Variants in PPIF observed in about 807,000 individuals in gnomAD.
PPIF encodes the protein peptidyl-prolyl cis-trans isomerase F, mitochondrial.
A neutral mutation model predicts 20.2 loss-of-function variants in PPIF; 23 were observed. The observed-to-expected ratio is 1.14, with a 90% CI of 0.82 to 1.61. The LOEUF (loss-of-function observed/expected upper bound fraction) is 1.61. PPIF is among the 40% of genes most tolerant of loss of function. The pLI is 0.00. For missense variants in PPIF, 287 were observed against 291.6 expected (o/e 0.98, Z 0.11); for synonymous variants, 113 against 123.1 (o/e 0.92, Z 0.54).
chr10:79,350,575 T>G (rs778430365), intron 3 of PPIF, among the ~76,000 whole-genome samples: 7 of 152,180 alleles, frequency 4.6e-5, no homozygotes, highest in Non-Finnish European at 8.8e-5. Context: ...GAAGCCTGGA[T>G]ACGGGGTGAA....
intron 3 of PPIF, 72 bp downstream of exon 3, chr10:79,349,825 G>C (rs1235612211): frequency 1.2e-6 from 2 of 1,602,224 alleles, no homozygotes; most frequent in Non-Finnish European, 1.7e-6. Context: ...AAGATGCCTG[G>C]TATGAGGAAG....
At chr10:79,352,423 T>C (rs764190902) in intron 5 of PPIF, 31 bp downstream of exon 5, 16 of 1,596,860 alleles carry the variant, frequency 1.0e-5, no homozygotes, top group African/African-American at 1.3e-5. Flanking sequence ...CCTCTGGGAA[T>C]GCGGGCAGCC....
chr10:79,351,129 G>GTTTCA, intron 3 of PPIF, among the ~76,000 whole-genome samples: 1 of 152,192 alleles, frequency 6.6e-6, no homozygotes, highest in Non-Finnish European at 1.5e-5. Flanking sequence ...GAACTGGGGG[G>GTTTCA]CCTCTGGCCT....
intron 5 of PPIF, 66 bp from the exon 6 acceptor site, chr10:79,353,641 C>G (rs763512336): frequency 1.2e-6 from 2 of 1,611,698 alleles, no homozygotes; most frequent in Non-Finnish European, 8.5e-7. Context: ...AATTCCATGA[C>G]CAGGTCCATG....
At chr10:79,350,731 A>T (rs1194774289) in intron 3 of PPIF, among the ~76,000 whole-genome samples, 1 of 152,198 alleles carries the variant, frequency 6.6e-6, no homozygotes, top group Non-Finnish European at 1.5e-5. Context: ...CAGAGTCCTG[A>T]GTCATCCGTT....
At position 79,347,569 on chromosome 10, in the gene PPIF, C is replaced by T. The variant is rs1452785959; in HGVS notation, c.21C>T (p.Gly7=). 2.2e-6 allele frequency: 3 copies of T among 1,359,512 alleles called. No homozygotes were observed. Among genetic ancestry groups the T allele is most frequent in the East Asian group, 6.2e-5 (2 of 32,156 alleles). The allele number at this position is 1,359,512 out of a possible 1,614,324, so 84.2% of individuals were successfully genotyped here. ...CCGCGATGCTGGCGCTGCGCTGCGG[C>T]TCCCGCTGGCTCGGCCTGCTCTCCG... The part of the protein sequence containing the change: MLALRC[G]SRWLGLLSVP... Residue 7 remains glycine (G), a synonymous_variant, in exon 1 of 6, where the codon GGC becomes GGT. Transcript: ENST00000225174.
chr10:79,351,561 T>C lies in PPIF; in HGVS notation c.390T>C (p.Phe130=), dbSNP rs769409804. Residue 130 remains phenylalanine, a synonymous_variant, in exon 4 of 6, where the codon TTT becomes TTC. Transcript: ENST00000225174. Reference sequence around the variant, plus strand: ...GAAGCCGCTTTCCTGACGAGAACTTTACACTGAAGCACGTGGGGCCAGGTG... The same window carrying C: ...GAAGCCGCTTTCCTGACGAGAACTTCACACTGAAGCACGTGGGGCCAGGTG... ...IYGSRFPDEN[F]TLKHVGPGVL... The C allele has an allele frequency of 1.2e-6, 2 of 1,614,014 alleles. No homozygotes were observed. The highest frequency in any genetic ancestry group is 2.2e-5 in the East Asian group (1 of 44,894).
chr10:79,349,164 G>T (rs1290595969), intron 2 of PPIF, 58 bp downstream of exon 2: 1 of 1,613,212 alleles, frequency 6.2e-7, no homozygotes. Context: ...GCCAGGCAGG[G>T]CAAGGTGGGT....
chr10:79,353,658 G>A (rs1856009755), intron 5 of PPIF, 49 bp from the exon 6 acceptor site: 2 of 1,613,862 alleles, frequency 1.2e-6, no homozygotes, highest in African/African-American at 1.3e-5. Flanking sequence ...CATGGCATTG[G>A]ATGACATTGC....
chr10:79,352,532 T>C (rs1219040332), intron 5 of PPIF, 140 bp downstream of exon 5: 18 of 828,280 alleles, frequency 2.2e-5, no homozygotes, highest in African/African-American at 3.4e-5. Flanking sequence ...TGTGTGTTTG[T>C]ATGAGAAAGA....
chr10:79,350,235 A>G (rs1474013104), intron 3 of PPIF, among the ~76,000 whole-genome samples: 2 of 152,106 alleles, frequency 1.3e-5, no homozygotes, highest in Non-Finnish European at 2.9e-5. Flanking sequence ...TCTCGGTGAA[A>G]TGAATGTTTT....
At chr10:79,347,993 G>C (rs548229674) in intron 1 of PPIF, among the ~76,000 whole-genome samples, 1 of 151,902 alleles carries the variant, frequency 6.6e-6, no homozygotes, top group African/African-American at 2.4e-5. Context: ...AGATCGCAGA[G>C]AGGGAGGGCT....
At chr10:79,351,038 G>A (rs1283055334) in intron 3 of PPIF, among the ~76,000 whole-genome samples, 1 of 152,194 alleles carries the variant, frequency 6.6e-6, no homozygotes, top group Non-Finnish European at 1.5e-5. Flanking sequence ...CTGGGTAAGG[G>A]GCAGTGCGCG....
intron 1 of PPIF, among the ~76,000 whole-genome samples, chr10:79,348,681 C>A (rs1355083831): frequency 6.6e-6 from 1 of 152,192 alleles, no homozygotes; most frequent in Non-Finnish European, 1.5e-5. Flanking sequence ...CACCCTCATG[C>A]CTCTCCCTGG....
chr10:79,352,324 G>A lies in PPIF; in HGVS notation c.420G>A (p.Leu140=). ...FTLKHVGPGV[L]SMANAGPNTN... ...CCCTGCTGGTTTTTGCAGGTGTCCT[G>A]TCCATGGCTAATGCTGGTCCTAACA... is the stretch of plus-strand genomic sequence containing the variant. Residue 140 remains leucine, a synonymous_variant, in exon 5 of 6, where the codon CTG becomes CTA. Transcript: ENST00000225174. 1 of 1,614,174 alleles carries A rather than the reference G, an allele frequency of 6.2e-7. No individual in the cohort carries two copies. Among genetic ancestry groups the A allele is most frequent in the South Asian group, 1.1e-5 (1 of 91,090 alleles).
chr10:79,352,811 T>C (rs571155249), intron 5 of PPIF, among the ~76,000 whole-genome samples: 107 of 152,384 alleles, frequency 7.0e-4, no homozygotes, highest in South Asian at 4.1e-4. Flanking sequence ...TTGGCAATGC[T>C]GCAGCAGACA....
chr10:79,347,850 CA>C, intron 1 of PPIF, 107 bp downstream of exon 1: 1 of 1,227,594 alleles, frequency 8.1e-7, no homozygotes, highest in Non-Finnish European at 1.0e-6. Flanking sequence ...TGGGCCTCCC[CA>C]TGCCGAGCTC....
chr10:79,350,982 G>A (rs1589646681), intron 3 of PPIF, among the ~76,000 whole-genome samples: 1 of 152,198 alleles, frequency 6.6e-6, no homozygotes, highest in African/African-American at 2.4e-5. Context: ...TGTCAGCCTT[G>A]GGCAGACTCT....
In PPIF at chr10:79,351,479, G is replaced by T; in HGVS notation, c.316-8G>T. ...GGTAGCCACTCAGAAGGTGCTTTGT[G>T]CTCACAGGCGGGCGACTTCACCAAC... is the stretch of plus-strand genomic sequence containing the variant. On this transcript the variant is annotated splice_region_variant and splice_polypyrimidine_tract_variant and intron_variant, in intron 3 of 5. Coordinates refer to ENST00000225174, the MANE Select transcript of PPIF (RefSeq NM_005729.4). 1 of 1,613,884 alleles carries T rather than the reference G, an allele frequency of 6.2e-7. No individual in the cohort carries two copies.
Sources: gnomAD v4.1 joint callset for allele counts (sites outside exome capture counted in the v4.1 genomes callset) on GRCh38, gnomAD v4.1.1 for gene constraint, MANE v1.5 for transcripts, NCBI Gene and HGNC (gene_info 2026-07-23, HGNC 2026-07-21) for gene names.